The following SPART variants were observed in gnomAD, a reference collection of about 807,000 sequenced individuals.
SPART encodes the protein spastic paraplegia 20 (Troyer syndrome).
Under a neutral mutation model 58.7 loss-of-function variants are expected in SPART, and 35 were observed. The ratio of observed to expected loss-of-function variants is 0.60; its 90% CI spans 0.46 to 0.79. The LOEUF is 0.79. SPART is among the 30% of genes least tolerant of loss of function. The probability of loss-of-function intolerance (pLI) is 0.00; values close to 1 mark genes in which losing one functional copy is unlikely to be tolerated. For missense variants in SPART, 730 were observed against 786.1 expected (o/e 0.93, Z 0.85); for synonymous variants, 284 against 280.7 (o/e 1.01, Z -0.12).
intron 5 of SPART, among the ~76,000 whole-genome samples, chr13:36,319,303 C>G (rs9575909): frequency 6.7e-6 from 1 of 149,456 alleles, no homozygotes; most frequent in Non-Finnish European, 1.5e-5. Context: ...GCCTCCTTTG[C>G]GTCCCCCTCT....
At chr13:36,338,652 C>CT (rs1884261021) in intron 1 of SPART, among the ~76,000 whole-genome samples, 1 of 152,116 alleles carries the variant, frequency 6.6e-6, no homozygotes, top group Non-Finnish European at 1.5e-5. Flanking sequence ...GGATAAGAAA[C>CT]TATCAGGCAT....
intron 5 of SPART, among the ~76,000 whole-genome samples, chr13:36,318,349 A>G (rs930479728): frequency 1.3e-5 from 2 of 152,196 alleles, no homozygotes; most frequent in African/African-American, 4.8e-5. Context: ...GATAGCGTTT[A>G]GGCTCTTTTT....
At chr13:36,367,396 A>C (rs1267851017) in intron 1 of SPART, among the ~76,000 whole-genome samples, 1 of 152,110 alleles carries the variant, frequency 6.6e-6, no homozygotes, top group African/African-American at 2.4e-5. Context: ...CGTGAATGAC[A>C]TGCCTAGTCA....
rs148037692 is a variant in SPART, at chr13:36,364,536, A to G, written c.-3+5553T>C. Among the ~76,000 whole-genome samples the G allele has an allele frequency of 5.8e-3, 887 of 152,236 alleles. 3 individuals are homozygous for G. The highest frequency in any genetic ancestry group is 9.2e-3 in the Non-Finnish European group (627 of 68,012). Reference sequence around the variant, plus strand: ...ATCAGCTCACGTTGTTCTGATGGCAATCCCACGCTTTGTCAGAAATGGATC... The same window carrying G: ...ATCAGCTCACGTTGTTCTGATGGCAGTCCCACGCTTTGTCAGAAATGGATC... On this transcript the variant is annotated intron_variant, in intron 1 of 8. Transcript: ENST00000355182.
At chr13:36,344,342 A>G (rs191787862) in intron 1 of SPART, among the ~76,000 whole-genome samples, 198 of 152,296 alleles carry the variant, frequency 1.3e-3, no homozygotes, top group Non-Finnish European at 2.4e-3. Context: ...TAATGTGTCA[A>G]TGGAGGGAAC....
upstream of SPART, among the ~76,000 whole-genome samples, chr13:36,350,641 G>A (rs548775028): frequency 6.6e-5 from 10 of 152,072 alleles, no homozygotes; most frequent in South Asian, 1.9e-3. Flanking sequence ...TTTCTTACCA[G>A]ATCCTTCTAA....
chr13:36,344,006 C>G (rs967575878), intron 1 of SPART, among the ~76,000 whole-genome samples: 5 of 148,738 alleles, frequency 3.4e-5, no homozygotes, highest in African/African-American at 1.2e-4. Context: ...TCCAACCAGC[C>G]TGGGTGACAG....
At chr13:36,341,310 A>G (rs1210456857) in intron 1 of SPART, among the ~76,000 whole-genome samples, 3 of 152,262 alleles carry the variant, frequency 2.0e-5, no homozygotes, top group Admixed American at 1.3e-4. Flanking sequence ...CTTTTCTAAT[A>G]ACATTAAAAA....
intron 1 of SPART, among the ~76,000 whole-genome samples, chr13:36,345,159 G>A (rs994374083): frequency 6.6e-6 from 1 of 152,140 alleles, no homozygotes; most frequent in Admixed American, 6.5e-5. Flanking sequence ...CCAAAAAAGC[G>A]GAGGGGGCTT....
chr13:36,340,862 T>A (rs1022978054), intron 1 of SPART, among the ~76,000 whole-genome samples: 15 of 152,190 alleles, frequency 9.9e-5, no homozygotes, highest in Non-Finnish European at 1.8e-4. Context: ...GAAAATGATG[T>A]TGAGCAAGAA....
At chr13:36,340,950 C>T (rs1379592700) in intron 1 of SPART, among the ~76,000 whole-genome samples, 1 of 152,028 alleles carries the variant, frequency 6.6e-6, no homozygotes, top group Non-Finnish European at 1.5e-5. Flanking sequence ...TCAATATAAA[C>T]AAAATTATGG....
At chr13:36,327,537 T>A (rs1044574530) in intron 4 of SPART, among the ~76,000 whole-genome samples, 2 of 152,192 alleles carry the variant, frequency 1.3e-5, no homozygotes, top group African/African-American at 4.8e-5. Context: ...TTCTAAATGA[T>A]ATGGAAGAAT....
intron 3 of SPART, 57 bp from the exon 4 acceptor site, chr13:36,329,574 T>G: frequency 6.5e-7 from 1 of 1,547,406 alleles, no homozygotes; most frequent in Non-Finnish European, 8.9e-7. Context: ...GATGGCTTTC[T>G]GCCAGCTATA....
At position 36,307,233 on chromosome 13, in the gene SPART, A is replaced by G. The variant is rs546035244; in HGVS notation, c.1734-2601T>C. On this transcript the variant is annotated intron_variant, in intron 8 of 8. Transcript: ENST00000438666. ...TACTAACACTACCAATTGAAAAATA[A>G]TAAAAAATGAATGTGAAGTAGGCCT... Among the ~76,000 whole-genome samples the G allele has an allele frequency of 2.2e-3, 330 of 152,286 alleles. 1 individual carries two copies. The highest frequency in any genetic ancestry group is 7.6e-3 in the African/African-American group (316 of 41,596).
chr13:36,363,798 CT>C, intron 1 of SPART, among the ~76,000 whole-genome samples: 1 of 151,318 alleles, frequency 6.6e-6, no homozygotes. Context: ...TTTGTTTTTA[CT>C]TTTTATTTTG....
At chr13:36,316,213 A>C (rs757585439) in intron 5 of SPART, among the ~76,000 whole-genome samples, 9 of 152,226 alleles carry the variant, frequency 5.9e-5, no homozygotes, top group Non-Finnish European at 1.3e-4. Context: ...TAACTACTAC[A>C]GCTTGTGGGA....
At chr13:36,315,027 C>T (rs1371116426) in intron 5 of SPART, among the ~76,000 whole-genome samples, 1 of 152,188 alleles carries the variant, frequency 6.6e-6, no homozygotes, top group Non-Finnish European at 1.5e-5. Flanking sequence ...ACCTGAATGA[C>T]AAAAACATGA....
chr13:36,310,067 C>A (rs1053172517), intron 8 of SPART, among the ~76,000 whole-genome samples: 5 of 152,138 alleles, frequency 3.3e-5, no homozygotes, highest in African/African-American at 1.2e-4. Flanking sequence ...CTCTACTATT[C>A]ACTAGGAGAG....
At chr13:36,362,369 A>AAAC (rs1337528406) in intron 1 of SPART, among the ~76,000 whole-genome samples, 2 of 149,890 alleles carry the variant, frequency 1.3e-5, no homozygotes, top group Middle Eastern at 3.4e-3. Flanking sequence ...AAAAAAAAAT[A>AAAC]CCCATGTTAT....
Sources: allele counts gnomAD v4.1 joint callset (sites outside exome capture counted in the v4.1 genomes callset), GRCh38; gene constraint gnomAD v4.1.1; transcripts MANE v1.5; gene names NCBI Gene and HGNC (gene_info 2026-07-23, HGNC 2026-07-21).